DYNC1H1: variants seen among roughly 807,000 people sequenced by gnomAD.
DYNC1H1 encodes dynein cytoplasmic 1 heavy chain 1, also known as cytoplasmic dynein 1 heavy chain 1.
DYNC1H1 carries 51 observed loss-of-function variants against 527.1 expected under a neutral mutation model. The ratio of observed to expected loss-of-function variants is 0.10; its 90% confidence interval spans 0.08 to 0.12. DYNC1H1 has a LOEUF of 0.12. Among genes scored for constraint, DYNC1H1 ranks in the 10% least tolerant of loss-of-function variants. The probability of loss-of-function intolerance (pLI) is 1.00; values close to 1 mark genes in which losing one functional copy is unlikely to be tolerated. For missense variants in DYNC1H1, 2,771 were observed against 5,971.8 expected, an observed-to-expected ratio of 0.46 and a Z score of 17.66; for synonymous variants, 2,189 against 2,278.8, an observed-to-expected ratio of 0.96 and a Z score of 1.12.
In DYNC1H1 at chr14:102,005,971, C is replaced by T. The variant is rs1555409623; in HGVS notation, c.5517C>T (p.Leu1839=). ...KIDNAKSFEW[L]SQMRFYFDPK... ...ACAACGCCAAATCTTTTGAATGGCT[C>T]AGCCAGATGCGATTTTACTTTGACC... The change falls in exon 27 of 78, where the codon CTC becomes CTT. Residue 1839 remains leucine (L), a synonymous_variant. Coordinates refer to ENST00000360184, the MANE Select transcript of DYNC1H1 (RefSeq NM_001376.5). This position sits in a 1 kb window ranked among gnomAD's most constrained non-coding sequence, Gnocchi z 4.0. 6.2e-7 allele frequency: 1 copy of T among 1,614,134 alleles called. No homozygotes were observed.
chr14:101,968,572 A>AT (rs955186816), intron 1 of DYNC1H1, among the ~76,000 whole-genome samples: 174 of 148,178 alleles, frequency 1.2e-3, no homozygotes, highest in African/African-American at 3.9e-3. Flanking sequence ...GAGACTTGGA[A>AT]TTTTTTTTTT....
intron 1 of DYNC1H1, among the ~76,000 whole-genome samples, chr14:101,970,563 A>C (rs1595593380): frequency 7.2e-6 from 1 of 139,550 alleles, no homozygotes; most frequent in African/African-American, 2.8e-5. Flanking sequence ...GCTCACTGCA[A>C]CCCCCGCCTC....
intron 72 of DYNC1H1, among the ~76,000 whole-genome samples, chr14:102,046,332 G>A (rs1430134034): frequency 1.3e-5 from 2 of 152,138 alleles, no homozygotes; most frequent in Admixed American, 6.5e-5. Flanking sequence ...AAAAAGTCAC[G>A]AAAAGCTAAG....
chr14:102,017,696 G>A lies in DYNC1H1; in HGVS notation c.8177+192G>A. On this transcript the variant is annotated intron_variant, in intron 40 of 77. Transcript: ENST00000360184. This position sits in a 1 kb window ranked among gnomAD's most constrained non-coding sequence, Gnocchi z 4.6. The stretch of plus-strand genomic sequence containing the variant: ...AAAATAAAAGCATTGGCCGGGCGCA[G>A]TGGCTTACGCCTATAATCCCAGCAC... 1 of 1,111,030 alleles carries A rather than the reference G, an allele frequency of 9.0e-7. No individual in the cohort carries two copies. Among genetic ancestry groups the A allele is most frequent in the Non-Finnish European group, 1.3e-6 (1 of 777,630 alleles). 68.8% of individuals were successfully genotyped at this position (1,111,030 alleles called of 1,614,324 possible). A position where few individuals can be genotyped will look rare whatever the true frequency, so the allele number is the denominator to read the frequency against.
chr14:102,010,606 G>C lies in DYNC1H1; in HGVS notation c.6406-134G>C. The stretch of plus-strand genomic sequence containing the variant: ...GACTGTAATGTTGACCCAGTGAGTC[G>C]AGTGCACGAATGTGGGCGAGTGGTG... On this transcript the variant is annotated intron_variant, in intron 31 of 77. Coordinates refer to ENST00000360184, the MANE Select transcript of DYNC1H1 (RefSeq NM_001376.5). The surrounding 1 kb of genome is among the most constrained non-coding windows in gnomAD (Gnocchi z 6.0). 6.7e-7 allele frequency: 1 copy of C among 1,492,022 alleles called. No homozygotes were observed. The highest frequency in any genetic ancestry group is 9.2e-7 in the Non-Finnish European group (1 of 1,090,152). 92.4% of individuals were successfully genotyped at this position (1,492,022 alleles called of 1,614,324 possible).
Position 102,041,399 on chromosome 14 carries a change from T to G in DYNC1H1, c.11942-175T>G, listed in dbSNP as rs1388654669. ...AGGTAGTAAGGTGTTCTCACAGGCGTGTCCAGAGGGCTCACGGAAGGCACA... is the reference window on the plus strand; with the variant it reads ...AGGTAGTAAGGTGTTCTCACAGGCGGGTCCAGAGGGCTCACGGAAGGCACA... On this transcript the variant is annotated intron_variant, in intron 64 of 77. Coordinates refer to ENST00000360184, the MANE Select transcript of DYNC1H1 (RefSeq NM_001376.5). The surrounding 1 kb of genome is among the most constrained non-coding windows in gnomAD (Gnocchi z 4.5). 5 of 962,726 alleles carry G rather than the reference T, an allele frequency of 5.2e-6. No individual in the cohort carries two copies. Among genetic ancestry groups the G allele is most frequent in the Non-Finnish European group, 8.1e-6 (5 of 613,862 alleles). 59.6% of individuals were successfully genotyped at this position (962,726 alleles called of 1,614,324 possible).
At position 102,033,319 on chromosome 14, in the gene DYNC1H1, G is replaced by T; in HGVS notation, c.10248G>T (p.Leu3416=). The T allele has an allele frequency of 6.2e-7, 1 of 1,614,198 alleles. No homozygotes were observed. Among genetic ancestry groups the T allele is most frequent in the Non-Finnish European group, 8.5e-7 (1 of 1,180,032 alleles). The part of the protein sequence containing the change: ...LKRVEPLRNE[L]QKLEDDAKDN... ...GAGTGGAGCCCCTACGCAATGAGCT[G>T]CAGAAGCTGGAAGATGACGCCAAGG... is the stretch of plus-strand genomic sequence containing the variant. The change falls in exon 54 of 78, where the codon CTG becomes CTT. Residue 3416 remains leucine, a synonymous_variant. Coordinates refer to ENST00000360184, the MANE Select transcript of DYNC1H1 (RefSeq NM_001376.5). This position sits in a 1 kb window ranked among gnomAD's most constrained non-coding sequence, Gnocchi z 5.6.
Position 101,979,589 on chromosome 14 carries a change from G to C in DYNC1H1, c.518+97G>C. 1 of 1,605,606 alleles carries C rather than the reference G, an allele frequency of 6.2e-7. No homozygotes were observed. The highest frequency in any genetic ancestry group is 8.5e-7 in the Non-Finnish European group (1 of 1,173,746). ...TGGGAATTGGGAGGGTAACGCTAGTGAGCCGAGGGGATATAAACCCTGTGT... is the reference window on the plus strand; with the variant it reads ...TGGGAATTGGGAGGGTAACGCTAGTCAGCCGAGGGGATATAAACCCTGTGT... On this transcript the variant is annotated intron_variant, in intron 3 of 77. Coordinates refer to ENST00000360184, the MANE Select transcript of DYNC1H1 (RefSeq NM_001376.5). The surrounding 1 kb of genome is among the most constrained non-coding windows in gnomAD (Gnocchi z 4.6).
At chr14:101,998,880 T>TTTTTTTTTTGTTTTTTTTTTTTTG (rs1260375846) in intron 16 of DYNC1H1, among the ~76,000 whole-genome samples, 8 of 84,096 alleles carry the variant, frequency 9.5e-5, no homozygotes, top group African/African-American at 7.7e-4. Context: ...AAACTTTTTC[T>TTTTTTTTTTGTTTTTTTTTTTTTG]TTTTTTTTTT....
At chr14:102,031,105 T>G (rs189253519) in intron 51 of DYNC1H1, among the ~76,000 whole-genome samples, 46 of 152,370 alleles carry the variant, frequency 3.0e-4, no homozygotes, top group Middle Eastern at 6.8e-3. Flanking sequence ...AACCTATATA[T>G]TTTCATTCAG....
rs17512713 is a variant in DYNC1H1, at chr14:102,033,907, G to C, written c.10414-69G>C. ...ACCCTGCACATAATGTGGATGAACC[G>C]ATTTGCAGGATTCGGTATAAATCCT... On this transcript the variant is annotated intron_variant, in intron 54 of 77. Transcript: ENST00000360184. This position sits in a 1 kb window ranked among gnomAD's most constrained non-coding sequence, Gnocchi z 5.6. 6.4e-7 allele frequency: 1 copy of C among 1,558,626 alleles called. No individual in the cohort carries two copies. Among genetic ancestry groups the C allele is most frequent in the Non-Finnish European group, 8.8e-7 (1 of 1,135,900 alleles).
intron 14 of DYNC1H1, 25 bp from the exon 15 acceptor site, chr14:101,995,156 G>A (rs1224441097): frequency 1.2e-6 from 2 of 1,614,110 alleles, no homozygotes; most frequent in East Asian, 4.5e-5. Context: ...GCTCTGTGAT[G>A]AAATACTCCC....
At position 102,012,446 on chromosome 14, in the gene DYNC1H1, A is replaced by G. The variant is rs143403214; in HGVS notation, c.6990A>G (p.Gly2330=). The part of the protein sequence containing the change: ...DDNKLLTLPN[G]ERLSLPPNVR... ...ATAAGCTCCTAACTTTGCCCAATGG[A>G]GAGCGCCTCAGTCTTCCACCCAATG... Residue 2330 remains glycine (G), a synonymous_variant, in exon 34 of 78, where the codon GGA becomes GGG. Coordinates refer to ENST00000360184, the MANE Select transcript of DYNC1H1 (RefSeq NM_001376.5). The surrounding 1 kb of genome is among the most constrained non-coding windows in gnomAD (Gnocchi z 4.9). 17 of 1,614,176 alleles carry G rather than the reference A, an allele frequency of 1.1e-5. No individual in the cohort carries two copies. The highest frequency in any genetic ancestry group is 1.3e-5 in the Non-Finnish European group (15 of 1,180,024).
At position 102,029,509 on chromosome 14, in the gene DYNC1H1, G is replaced by A; in HGVS notation, c.9469-30G>A. The A allele has an allele frequency of 6.2e-7, 1 of 1,613,972 alleles. No homozygotes were observed. ...AGGTTAAGTCACAGAGTTTCCTGAA[G>A]AGTGAGAAGATGTAACTATTTTCTG... is the stretch of plus-strand genomic sequence containing the variant. On this transcript the variant is annotated intron_variant, in intron 48 of 77. Coordinates refer to ENST00000360184, the MANE Select transcript of DYNC1H1 (RefSeq NM_001376.5). The surrounding 1 kb of genome is among the most constrained non-coding windows in gnomAD (Gnocchi z 5.3).
intron 69 of DYNC1H1, 130 bp from the exon 70 acceptor site, chr14:102,043,745 C>T (rs961585577): frequency 3.2e-6 from 4 of 1,256,544 alleles, no homozygotes; most frequent in Non-Finnish European, 4.6e-6. Flanking sequence ...CAGCAGTACT[C>T]ATGTGAATCT....
chr14:102,030,628 T>C (rs972123393), intron 51 of DYNC1H1: 2 of 326,008 alleles, frequency 6.1e-6, no homozygotes, highest in Non-Finnish European at 1.2e-5. Context: ...CCCAGAAATA[T>C]AAAATATTCA....
intron 1 of DYNC1H1, among the ~76,000 whole-genome samples, chr14:101,971,210 G>A (rs1302000439): frequency 7.4e-6 from 1 of 135,274 alleles, no homozygotes; most frequent in African/African-American, 2.8e-5. Context: ...AGATCCTCCC[G>A]CCACAGACAT....
chr14:101,980,641 T>C, intron 5 of DYNC1H1, 91 bp downstream of exon 5: 1 of 1,454,426 alleles, frequency 6.9e-7, no homozygotes, highest in Non-Finnish European at 9.4e-7. Flanking sequence ...ACTATAGTTT[T>C]CACAGATGTA....
chr14:101,996,420 A>G (rs2141282140), intron 15 of DYNC1H1, among the ~76,000 whole-genome samples: 2 of 151,344 alleles, frequency 1.3e-5, no homozygotes, highest in East Asian at 4.0e-4. Flanking sequence ...ATGAGCCACC[A>G]TGCCCGGCCA....
Sources: allele counts gnomAD v4.1 joint callset (sites outside exome capture counted in the v4.1 genomes callset), GRCh38; gene constraint gnomAD v4.1.1; non-coding constraint Gnocchi (gnomAD v3.1); transcripts MANE v1.5; gene names NCBI Gene and HGNC (gene_info 2026-07-23, HGNC 2026-07-21).